The following C4orf50 variants were observed in gnomAD, a reference collection of about 807,000 sequenced individuals.
C4orf50 encodes uncharacterized protein C4orf50.
A neutral mutation model predicts 77.2 loss-of-function variants in C4orf50; 80 were observed. The observed-to-expected ratio is 1.04, with a 90% CI of 0.87 to 1.25. The LOEUF is 1.25. C4orf50 is among the 50% of genes most tolerant of loss of function. C4orf50 has a pLI of 0.00. For missense variants in C4orf50, 1,257 were observed against 1,152.9 expected, an observed-to-expected ratio of 1.09 and a Z score of -1.31; for synonymous variants, 532 against 465.3, an observed-to-expected ratio of 1.14 and a Z score of -1.84.
At position 6,015,911 on chromosome 4, in the gene C4orf50, G is replaced by A. The variant is rs1722668305; in HGVS notation, c.287+2234C>T. Among the ~76,000 whole-genome samples the A allele has an allele frequency of 6.6e-6, 1 of 152,112 alleles. No individual in the cohort carries two copies. The highest frequency in any genetic ancestry group is 1.5e-5 in the Non-Finnish European group (1 of 68,022). On this transcript the variant is annotated intron_variant, in intron 23 of 33. Transcript: ENST00000531445. The surrounding 1 kb of genome is among the most constrained non-coding windows in gnomAD (Gnocchi z 4.4). The stretch of plus-strand genomic sequence containing the variant: ...GTCTTAGAGACCAGCCGGCGAATCT[G>A]GGTCCATATCCCCATGTCACCATCC...
In C4orf50 at chr4:6,000,894, A is replaced by C. The variant is rs1721800943; in HGVS notation, c.964-6418T>G. 6.6e-6 allele frequency among the ~76,000 whole-genome samples: 1 copy of C among 152,172 alleles called. No homozygotes were observed. Among genetic ancestry groups the C allele is most frequent in the Non-Finnish European group, 1.5e-5 (1 of 68,028 alleles). ...TGTCCCCCCAAAACTCATCCGTTAA[A>C]ACCCATATCCCCAAAGGGATGTTAT... is the stretch of plus-strand genomic sequence containing the variant. On this transcript the variant is annotated intron_variant, in intron 25 of 33. Coordinates refer to ENST00000531445, the Ensembl canonical transcript of C4orf50. The surrounding 1 kb of genome is among the most constrained non-coding windows in gnomAD (Gnocchi z 6.0).
intron 7 of C4orf50, among the ~76,000 whole-genome samples, chr4:5,927,820 C>T (rs1055236453): frequency 6.6e-6 from 1 of 152,130 alleles, no homozygotes; most frequent in Non-Finnish European, 1.5e-5. Flanking sequence ...TGAGAACAGA[C>T]TAATACACCC....
intron 28 of C4orf50, among the ~76,000 whole-genome samples, chr4:5,985,125 T>G (rs1343284810): frequency 6.6e-6 from 1 of 151,918 alleles, no homozygotes; most frequent in Non-Finnish European, 1.5e-5. Flanking sequence ...TACCTAAAAT[T>G]CAGAATCCAA....
At chr4:5,930,975 A>T (rs1560547566) in intron 7 of C4orf50, among the ~76,000 whole-genome samples, 1 of 152,340 alleles carries the variant, frequency 6.6e-6, no homozygotes, top group East Asian at 1.9e-4. Context: ...AGGAGTGCAC[A>T]AACGCCTCGT....
chr4:5,942,985 A>G (rs972987451), intron 7 of C4orf50, among the ~76,000 whole-genome samples: 3 of 152,234 alleles, frequency 2.0e-5, no homozygotes, highest in Non-Finnish European at 2.9e-5. Flanking sequence ...CGTATATATT[A>G]ATTTTTATAA....
At chr4:5,939,765 G>A (rs73210742) in intron 7 of C4orf50, among the ~76,000 whole-genome samples, 10,087 of 152,090 alleles carry the variant, frequency 0.066, 424 homozygotes, top group Non-Finnish European at 0.096. Context: ...CCTGTCCCCT[G>A]TCCCCAGACT....
In C4orf50 at chr4:6,009,639, G is replaced by A. The variant is rs1722406101; in HGVS notation, c.427-1107C>T. On this transcript the variant is annotated intron_variant, in intron 24 of 33. Transcript: ENST00000531445. This position sits in a 1 kb window ranked among gnomAD's most constrained non-coding sequence, Gnocchi z 5.6. ...TTCAGAATGACCGCAGGTCACTACA[G>A]AAACGAGGCATCTTCATATGCAAAT... Among the ~76,000 whole-genome samples the A allele has an allele frequency of 1.3e-5, 2 of 152,172 alleles. No individual in the cohort carries two copies. Among genetic ancestry groups the A allele is most frequent in the South Asian group, 4.1e-4 (2 of 4,828 alleles).
At chr4:5,918,722 C>T (rs1024008544) in intron 7 of C4orf50, among the ~76,000 whole-genome samples, 6 of 152,342 alleles carry the variant, frequency 3.9e-5, no homozygotes, top group South Asian at 4.1e-4. Context: ...GACCTCTCTC[C>T]GCCCTTCTGC....
intron 7 of C4orf50, among the ~76,000 whole-genome samples, chr4:5,943,387 C>T (rs886733489): frequency 2.0e-5 from 3 of 152,198 alleles, no homozygotes; most frequent in African/African-American, 7.2e-5. Context: ...TTAGATTTTA[C>T]TGGCTATGCA....
intron 7 of C4orf50, among the ~76,000 whole-genome samples, chr4:5,940,523 A>G (rs1249523877): frequency 6.6e-6 from 1 of 152,206 alleles, no homozygotes; most frequent in Non-Finnish European, 1.5e-5. Flanking sequence ...TGTGGATAAC[A>G]TCTGTGGAAG....
chr4:5,913,231 G>A (rs1030618945), intron 7 of C4orf50, among the ~76,000 whole-genome samples: 7 of 152,232 alleles, frequency 4.6e-5, no homozygotes, highest in African/African-American at 1.7e-4. Context: ...GTGTAAAGAA[G>A]GAGATACTCA....
At chr4:5,959,350 T>C (rs772135994) in exon 34 of C4orf50, 4 of 1,603,078 alleles carry the variant, frequency 2.5e-6, no homozygotes, top group Non-Finnish European at 3.4e-6. Context: ...GTCTATGAAA[T>C]GGCTCCGGAG....
chr4:5,913,731 G>T (rs1477202309), intron 7 of C4orf50, among the ~76,000 whole-genome samples: 1 of 152,170 alleles, frequency 6.6e-6, no homozygotes, highest in African/African-American at 2.4e-5. Context: ...CAGACGTTGG[G>T]ACCAAACCTC....
intron 29 of C4orf50, 52 bp from the exon 8 acceptor site, chr4:5,976,007 C>T (rs780393629): frequency 4.2e-5 from 61 of 1,460,478 alleles, no homozygotes; most frequent in Non-Finnish European, 5.6e-5. Flanking sequence ...TTACCACTGT[C>T]CAGAGCTTCC....
intron 28 of C4orf50, 77 bp from the exon 7 acceptor site, chr4:5,980,415 G>T: frequency 7.6e-7 from 1 of 1,313,844 alleles, no homozygotes; most frequent in African/African-American, 1.7e-5. Flanking sequence ...AACGGTACCC[G>T]TTTCCCCACT....
downstream of C4orf50, among the ~76,000 whole-genome samples, chr4:5,953,289 G>A (rs1035945159): frequency 6.6e-6 from 1 of 152,314 alleles, no homozygotes; most frequent in African/African-American, 2.4e-5. Context: ...ATGGCTGGGA[G>A]TCACTGAGTT....
intron 7 of C4orf50, among the ~76,000 whole-genome samples, chr4:5,935,491 T>C (rs16837860): frequency 1.3e-5 from 2 of 152,116 alleles, no homozygotes; most frequent in African/African-American, 4.8e-5. Context: ...AGGATTCCTA[T>C]AGATAAATCC....
chr4:6,008,805 G>A lies in C4orf50; in HGVS notation c.427-273C>T, dbSNP rs1284582577. 1.3e-5 allele frequency among the ~76,000 whole-genome samples: 2 copies of A among 152,168 alleles called. No individual in the cohort carries two copies. The highest frequency in any genetic ancestry group is 4.8e-5 in the African/African-American group (2 of 41,440). On this transcript the variant is annotated intron_variant, in intron 24 of 33. Coordinates refer to ENST00000531445, the Ensembl canonical transcript of C4orf50. The surrounding 1 kb of genome is among the most constrained non-coding windows in gnomAD (Gnocchi z 6.0). ...TGAGTCCTGGAAGGGAGCTGTGCAG[G>A]TGGCAGGATGGCCATCAGCGAGTAC...
At chr4:6,003,860 GTGATGGTGA>G (rs59371299) in intron 25 of C4orf50, among the ~76,000 whole-genome samples, 2 of 57,506 alleles carry the variant, frequency 3.5e-5, no homozygotes, top group Non-Finnish European at 7.1e-5. Flanking sequence ...GGTGATGATG[GTGATGGTGA>G]TGATGGTGAT....
Sources: allele counts gnomAD v4.1 joint callset (sites outside exome capture counted in the v4.1 genomes callset), GRCh38; gene constraint gnomAD v4.1.1; non-coding constraint Gnocchi (gnomAD v3.1); transcripts MANE v1.5; gene names NCBI Gene and HGNC (gene_info 2026-07-23, HGNC 2026-07-21).